The following CHCHD3 variants were observed in gnomAD, a reference collection of about 807,000 sequenced individuals.
The protein encoded by CHCHD3 is MICOS complex subunit MIC19.
In CHCHD3, 20 loss-of-function variants were observed where a neutral mutation model predicts 38.2. The observed-to-expected ratio is 0.52, with a 90% CI of 0.37 to 0.76. The LOEUF is 0.76. Ranked by LOEUF, CHCHD3 falls within the 30% of genes least tolerant of loss-of-function variation. The probability of loss-of-function intolerance (pLI) is 0.00; values close to 1 mark genes in which losing one functional copy is unlikely to be tolerated. For missense variants in CHCHD3, 245 were observed against 279.2 expected, an observed-to-expected ratio of 0.88 and a Z score of 0.87; for synonymous variants, 82 against 100.0, an observed-to-expected ratio of 0.82 and a Z score of 1.07.
chr7:133,013,784 T>C (rs1200903780), intron 3 of CHCHD3, among the ~76,000 whole-genome samples: 1 of 151,792 alleles, frequency 6.6e-6, no homozygotes, highest in Non-Finnish European at 1.5e-5. Flanking sequence ...TTGTAGGGAG[T>C]AAGAATAAGG....
intron 4 of CHCHD3, among the ~76,000 whole-genome samples, chr7:132,898,480 AC>A (rs1434045329): frequency 3.9e-5 from 6 of 151,960 alleles, no homozygotes; most frequent in Non-Finnish European, 8.8e-5. Context: ...GCATTCACAA[AC>A]CCTGAGCTAG....
In CHCHD3 at chr7:132,991,400, G is replaced by A. The variant is rs948267047; in HGVS notation, c.252-16114C>T. On this transcript the variant is annotated intron_variant, in intron 3 of 7. Coordinates refer to ENST00000262570, the MANE Select transcript of CHCHD3 (RefSeq NM_017812.4). ...CATATAAATACATAGCTCTTATTGT[G>A]CATGTGGCAGCCTTGATCTTTAAAT... Among the ~76,000 whole-genome samples the A allele has an allele frequency of 2.6e-5, 4 of 151,958 alleles. No individual in the cohort carries two copies. The East Asian group carries it at 7.7e-4, about 29-fold the overall frequency.
At chr7:132,981,986 T>C (rs1428818944) in intron 3 of CHCHD3, among the ~76,000 whole-genome samples, 2 of 152,192 alleles carry the variant, frequency 1.3e-5, no homozygotes, top group Non-Finnish European at 2.9e-5. Flanking sequence ...ATTTTAATGC[T>C]AACAATGAAT....
At chr7:132,934,634 G>A (rs990433294) in intron 4 of CHCHD3, among the ~76,000 whole-genome samples, 2 of 152,088 alleles carry the variant, frequency 1.3e-5, no homozygotes, top group African/African-American at 4.8e-5. Context: ...CCTGAAACAG[G>A]GCCATCATGG....
chr7:133,062,841 C>A (rs1814557046), intron 2 of CHCHD3, among the ~76,000 whole-genome samples: 1 of 152,066 alleles, frequency 6.6e-6, no homozygotes, highest in South Asian at 2.1e-4. Flanking sequence ...CCTAGAAGCA[C>A]CAATGCAAAG....
At chr7:132,920,105 G>A (rs1438511338) in intron 4 of CHCHD3, among the ~76,000 whole-genome samples, 1 of 152,112 alleles carries the variant, frequency 6.6e-6, no homozygotes, top group South Asian at 2.1e-4. Context: ...CATGGAGCAG[G>A]GCTGTATAAA....
At chr7:132,860,720 G>A (rs1473199513) in intron 5 of CHCHD3, among the ~76,000 whole-genome samples, 1 of 151,956 alleles carries the variant, frequency 6.6e-6, no homozygotes, top group African/African-American at 2.4e-5. Flanking sequence ...TCCACCTCCT[G>A]GGTTCAAGAG....
intron 2 of CHCHD3, among the ~76,000 whole-genome samples, chr7:133,063,182 C>T (rs749985211): frequency 1.3e-5 from 2 of 152,098 alleles, no homozygotes; most frequent in African/African-American, 2.4e-5. Context: ...TCTGGATTCT[C>T]AAAAATAAAT....
chr7:132,929,730 T>C (rs1008156599), intron 4 of CHCHD3, among the ~76,000 whole-genome samples: 3 of 152,176 alleles, frequency 2.0e-5, no homozygotes, highest in Non-Finnish European at 4.4e-5. Context: ...CTTGCCATAC[T>C]CCATGACCAG....
chr7:132,786,658 T>C (rs73441223), intron 7 of CHCHD3, among the ~76,000 whole-genome samples: 2 of 152,050 alleles, frequency 1.3e-5, no homozygotes, highest in Non-Finnish European at 2.9e-5. Context: ...CCCACCTGCC[T>C]CCCGCCAACC....
intron 4 of CHCHD3, among the ~76,000 whole-genome samples, chr7:132,972,232 A>G (rs919439393): frequency 1.3e-5 from 2 of 152,226 alleles, no homozygotes; most frequent in Admixed American, 6.5e-5. Context: ...AGTGAAACAC[A>G]ACCATTAAAA....
rs1162053806 is a variant in CHCHD3 at position 132,985,518 on chromosome 7, C to T, written c.252-10232G>A. On this transcript the variant is annotated intron_variant, in intron 3 of 7. Transcript: ENST00000262570. The stretch of plus-strand genomic sequence containing the variant: ...GGAGGGAGGTGGGGGGGTCAGCCCC[C>T]GGCCCGGCCAGCCGCCCCGTCCAGG... 6.3e-5 allele frequency among the ~76,000 whole-genome samples: 5 copies of T among 78,750 alleles called. 2 individuals are homozygous for T. In the East Asian group the frequency reaches 2.4e-3, roughly 38 times the overall value. The allele number at this position is 78,750 out of a possible 152,430, so 51.7% of individuals were successfully genotyped here. A position where few individuals can be genotyped will look rare whatever the true frequency, so the allele number is the denominator to read the frequency against.
chr7:132,900,780 C>A (rs900530596), intron 4 of CHCHD3, among the ~76,000 whole-genome samples: 3 of 152,136 alleles, frequency 2.0e-5, no homozygotes, highest in African/African-American at 7.2e-5. Flanking sequence ...CACCTGAGGT[C>A]AGGAGTTCAA....
At chr7:132,969,411 T>C (rs975779065) in intron 4 of CHCHD3, among the ~76,000 whole-genome samples, 8 of 152,314 alleles carry the variant, frequency 5.3e-5, no homozygotes, top group Non-Finnish European at 1.0e-4. Context: ...ATCTGACTAA[T>C]GTTCTTGCCC....
chr7:132,815,736 T>C, intron 6 of CHCHD3: 4 of 331,838 alleles, frequency 1.2e-5, no homozygotes, highest in Non-Finnish European at 2.4e-5. Flanking sequence ...CTCTTCCTCC[T>C]TTCTCTCCCC....
chr7:133,012,757 C>T (rs1812910569), intron 3 of CHCHD3, among the ~76,000 whole-genome samples: 1 of 135,858 alleles, frequency 7.4e-6, no homozygotes, highest in South Asian at 2.4e-4. Flanking sequence ...GAGCCAAATC[C>T]TGTCTCAAAA....
At chr7:132,803,446 T>A (rs957592036) in intron 6 of CHCHD3, among the ~76,000 whole-genome samples, 6 of 152,186 alleles carry the variant, frequency 3.9e-5, no homozygotes, top group African/African-American at 1.4e-4. Context: ...AATATGTTCA[T>A]CATGAGCCAT....
chr7:132,830,376 T>A (rs1250842169), intron 6 of CHCHD3, among the ~76,000 whole-genome samples: 1 of 152,174 alleles, frequency 6.6e-6, no homozygotes, highest in East Asian at 1.9e-4. Flanking sequence ...AGCTGCATCA[T>A]CTACAACTTT....
intron 4 of CHCHD3, among the ~76,000 whole-genome samples, chr7:132,954,339 G>A (rs1173428907): frequency 1.3e-5 from 2 of 152,176 alleles, no homozygotes; most frequent in African/African-American, 4.8e-5. Context: ...GCAACATTTT[G>A]TCACCTATGT....
Sources: gnomAD v4.1 joint callset for allele counts (sites outside exome capture counted in the v4.1 genomes callset) on GRCh38, gnomAD v4.1.1 for gene constraint, MANE v1.5 for transcripts, NCBI Gene and HGNC (gene_info 2026-07-23, HGNC 2026-07-21) for gene names.